INPP4A: variants seen among roughly 807,000 people sequenced by gnomAD.
INPP4A encodes inositol polyphosphate-4-phosphatase type I A.
INPP4A carries 33 observed loss-of-function variants against 119.8 expected under a neutral mutation model. The ratio of observed to expected loss-of-function variants is 0.28; its 90% CI spans 0.21 to 0.37. The LOEUF (loss-of-function observed/expected upper bound fraction) is 0.37, where lower values mean the gene tolerates loss of function less well. Among genes scored for constraint, INPP4A ranks in the 10% least tolerant of loss-of-function variants. INPP4A has a pLI of 1.00. For missense variants in INPP4A, 956 were observed against 1,289.9 expected (o/e 0.74, Z 3.97); for synonymous variants, 496 against 500.7 (o/e 0.99, Z 0.12).
At chr2:98,450,141 T>C (rs1694967421) in intron 1 of INPP4A, among the ~76,000 whole-genome samples, 1 of 152,190 alleles carries the variant, frequency 6.6e-6, no homozygotes, top group African/African-American at 2.4e-5. Flanking sequence ...ACCCAAGCTT[T>C]TCTGAGTACC....
chr2:98,474,194 G>T (rs1489342701), intron 1 of INPP4A, among the ~76,000 whole-genome samples: 1 of 152,174 alleles, frequency 6.6e-6, no homozygotes, highest in Non-Finnish European at 1.5e-5. Context: ...TTCTGCATTT[G>T]TGGTATCTAA....
At chr2:98,553,731 A>C (rs1445090677) in intron 14 of INPP4A, among the ~76,000 whole-genome samples, 1 of 152,216 alleles carries the variant, frequency 6.6e-6, no homozygotes, top group African/African-American at 2.4e-5. Context: ...GAAAAGAAAG[A>C]TGTAGTTGTC....
chr2:98,532,203 A>G (rs1360662197), intron 4 of INPP4A, among the ~76,000 whole-genome samples: 3 of 151,358 alleles, frequency 2.0e-5, no homozygotes, highest in Non-Finnish European at 2.9e-5. Context: ...TTCCAAATTC[A>G]TATCTCCTCC....
At chr2:98,574,569 C>T (rs1698090286) in intron 23 of INPP4A, among the ~76,000 whole-genome samples, 3 of 149,780 alleles carry the variant, frequency 2.0e-5, no homozygotes, top group Admixed American at 6.7e-5. Context: ...ACCTGGGAGG[C>T]GGAGGTTGCA....
In INPP4A at chr2:98,511,876, A is replaced by G. The variant is rs184600639; in HGVS notation, c.-165-7088A>G. On this transcript the variant is annotated intron_variant, in intron 1 of 24. Transcript: ENST00000409851. The stretch of plus-strand genomic sequence containing the variant: ...GCCTGTGCTCTCATGTTCCTTTTCA[A>G]TAGCAACCTTTGGGCCTAATTTTTG... Among the ~76,000 whole-genome samples, 31 of 152,296 alleles carry G rather than the reference A, an allele frequency of 2.0e-4. 2 individuals carry two copies. Among genetic ancestry groups the G allele is most frequent in the Admixed American group, 1.8e-3 (27 of 15,298 alleles).
chr2:98,530,396 G>A (rs1306989494), intron 4 of INPP4A, among the ~76,000 whole-genome samples: 1 of 152,078 alleles, frequency 6.6e-6, no homozygotes, highest in Non-Finnish European at 1.5e-5. Context: ...GTGTCTCAGT[G>A]AGAAGTGGCA....
intron 1 of INPP4A, among the ~76,000 whole-genome samples, chr2:98,493,233 G>A (rs575905016): frequency 6.6e-6 from 1 of 152,160 alleles, no homozygotes; most frequent in African/African-American, 2.4e-5. Context: ...TTTTTTGGAT[G>A]TTGGTTGTGA....
intron 1 of INPP4A, among the ~76,000 whole-genome samples, chr2:98,492,412 C>T (rs1680997020): frequency 6.6e-6 from 1 of 152,340 alleles, no homozygotes; most frequent in Non-Finnish European, 1.5e-5. Context: ...TGGCCAGGAG[C>T]TGCTGCTAGA....
chr2:98,573,558 T>C (rs1485138964), intron 23 of INPP4A, among the ~76,000 whole-genome samples: 1 of 152,112 alleles, frequency 6.6e-6, no homozygotes, highest in Non-Finnish European at 1.5e-5. Context: ...AGGAGAGGGA[T>C]GGTGAGCCCA....
intron 19 of INPP4A, 139 bp from the exon 20 acceptor site, chr2:98,565,501 C>T: frequency 1.2e-6 from 1 of 817,898 alleles, no homozygotes; most frequent in Non-Finnish European, 1.8e-6. Flanking sequence ...GGGGAAGAGG[C>T]TCAGAGACTC....
At chr2:98,514,061 T>G (rs1685637764) in intron 1 of INPP4A, among the ~76,000 whole-genome samples, 1 of 152,218 alleles carries the variant, frequency 6.6e-6, no homozygotes, top group Non-Finnish European at 1.5e-5. Flanking sequence ...GAGGCTGGTC[T>G]GGAACACTGT....
rs1020812190 is a variant in INPP4A at position 98,551,246 on chromosome 2, G to A, written c.1164-1540G>A. Among the ~76,000 whole-genome samples the A allele has an allele frequency of 3.3e-5, 5 of 152,268 alleles. No individual in the cohort carries two copies. In the Middle Eastern group the frequency reaches 0.01, roughly 311 times the overall value. ...GCTAGGATTATAGGCCACCATGCTT[G>A]GCTGAATTGATTTTTTAAAATCCTA... On this transcript the variant is annotated intron_variant, in intron 13 of 24. Transcript: ENST00000409851.
chr2:98,539,948 T>A (rs1473777460), intron 10 of INPP4A, among the ~76,000 whole-genome samples: 3 of 152,184 alleles, frequency 2.0e-5, no homozygotes, highest in Non-Finnish European at 4.4e-5. Flanking sequence ...ACTCTTTTTT[T>A]TTGAGACAGA....
chr2:98,470,805 C>A (rs368449786), intron 1 of INPP4A, among the ~76,000 whole-genome samples: 2 of 152,072 alleles, frequency 1.3e-5, no homozygotes, highest in Admixed American at 1.3e-4. Flanking sequence ...GCAGCTGGGA[C>A]TACAGGCACG....
At position 98,544,021 on chromosome 2, in the gene INPP4A, C is replaced by A; in HGVS notation, c.949+14C>A. The A allele has an allele frequency of 6.4e-7, 1 of 1,552,102 alleles. No homozygotes were observed. The highest frequency in any genetic ancestry group is 8.7e-7 in the Non-Finnish European group (1 of 1,147,202). ...ATCAGTACAGAGGTGGGTGCACCCC[C>A]ATGCTGTCACCACACACGCGTGCGC... On this transcript the variant is annotated intron_variant, in intron 11 of 24. Coordinates refer to ENST00000409851, the MANE Select transcript of INPP4A (RefSeq NM_001134225.2).
At chr2:98,496,197 T>C (rs1240640325) in intron 1 of INPP4A, among the ~76,000 whole-genome samples, 2 of 152,158 alleles carry the variant, frequency 1.3e-5, no homozygotes, top group Non-Finnish European at 2.9e-5. Context: ...TAACTAGATA[T>C]TCGGGTTTAC....
chr2:98,488,349 G>C (rs1679971664), intron 1 of INPP4A, among the ~76,000 whole-genome samples: 1 of 152,162 alleles, frequency 6.6e-6, no homozygotes, highest in Non-Finnish European at 1.5e-5. Context: ...TGTGTACTCA[G>C]CTGAGCAAAA....
In INPP4A at chr2:98,563,619, C is replaced by T. The variant is rs373340010; in HGVS notation, c.2010C>T (p.Asp670=). ...ATYLSLQYRR[D]VVFCQTLTAL... ...ACCTGAGCCTGCAGTACCGCCGTGA[C>T]GTGGTCTTCTGCCAGACGGTAGGCC... The change falls in exon 18 of 25, where the codon GAC becomes GAT. Residue 670 remains aspartate, a synonymous_variant. Coordinates refer to ENST00000409851, the MANE Select transcript of INPP4A (RefSeq NM_001134225.2). The T allele has an allele frequency of 3.8e-5, 61 of 1,612,884 alleles. No homozygotes were observed. In the African/African-American group the frequency reaches 5.3e-4, roughly 14 times the overall value.
In INPP4A at chr2:98,577,227, A is replaced by G. The variant is rs970248605; in HGVS notation, c.2786+84A>G. On this transcript the variant is annotated intron_variant, in intron 24 of 24. Coordinates refer to ENST00000409851, the MANE Select transcript of INPP4A (RefSeq NM_001134225.2). ...GAGCTGGTACCCTGCTCCTGCCTGC[A>G]GGGCCTACCCTGCATGAGCCCCTTG... is the stretch of plus-strand genomic sequence containing the variant. 3 of 1,420,834 alleles carry G rather than the reference A, an allele frequency of 2.1e-6. No individual in the cohort carries two copies. The Admixed American group carries it at 6.8e-5, about 32-fold the overall frequency. The allele number at this position is 1,420,834 out of a possible 1,614,324, so 88.0% of individuals were successfully genotyped here. A position where few individuals can be genotyped will look rare whatever the true frequency, so the allele number is the denominator to read the frequency against.
Sources: gnomAD v4.1 joint callset for allele counts (sites outside exome capture counted in the v4.1 genomes callset) on GRCh38, gnomAD v4.1.1 for gene constraint, MANE v1.5 for transcripts, NCBI Gene and HGNC (gene_info 2026-07-23, HGNC 2026-07-21) for gene names.